The following PPP2R2B variants were observed in gnomAD, a reference collection of about 807,000 sequenced individuals.
The protein encoded by PPP2R2B is protein phosphatase 2 regulatory subunit Bbeta, also known as serine/threonine-protein phosphatase 2A 55 kDa regulatory subunit B beta isoform.
Under a neutral mutation model 46.0 loss-of-function variants are expected in PPP2R2B, and 5 were observed. The observed-to-expected ratio is 0.11, with a 90% CI of 0.06 to 0.23. The LOEUF is 0.23. Among genes scored for constraint, PPP2R2B ranks in the 10% least tolerant of loss-of-function variants. The pLI is 1.00. For synonymous variants in PPP2R2B, 215 were observed against 206.7 expected (o/e 1.04, Z -0.34); for missense variants, 367 against 575.0 (o/e 0.64, Z 3.70).
At chr5:146,749,685 G>T (rs904208506) in intron 2 of PPP2R2B, among the ~76,000 whole-genome samples, 2 of 136,416 alleles carry the variant, frequency 1.5e-5, no homozygotes, top group African/African-American at 2.8e-5. Context: ...TGCAAGCTCC[G>T]CCTCCCAGGT....
chr5:146,738,715 A>T lies in PPP2R2B; in HGVS notation c.71-37573T>A, dbSNP rs1752692898. Reference sequence around the variant, plus strand: ...CATGGGCAGAGAGCACCTTGGTCAGATGTCGTTAAAGTTCTAATTATAGAC... The same window carrying T: ...CATGGGCAGAGAGCACCTTGGTCAGTTGTCGTTAAAGTTCTAATTATAGAC... On this transcript the variant is annotated intron_variant, in intron 2 of 9. Transcript: ENST00000394411. Among the ~76,000 whole-genome samples, 3 of 152,156 alleles carry T rather than the reference A, an allele frequency of 2.0e-5. 1 individual carries two copies. In the South Asian group the frequency reaches 6.2e-4, roughly 32 times the overall value.
rs149939920 is a variant in PPP2R2B at position 147,010,823 on chromosome 5, T to C, written c.79+44842A>G. The stretch of plus-strand genomic sequence containing the variant: ...TCACACTTACTCCATATCCAGTTGG[T>C]TCACACATCTGGCCACTCCCAACCT... On this transcript the variant is annotated intron_variant, in intron 1 of 8. Transcript: ENST00000336640. 5.5e-3 allele frequency among the ~76,000 whole-genome samples: 831 copies of C among 152,114 alleles called. 6 individuals carry two copies. Among genetic ancestry groups the C allele is most frequent in the African/African-American group, 0.019 (788 of 41,490 alleles).
At chr5:146,658,406 G>T (rs780573413) in intron 5 of PPP2R2B, among the ~76,000 whole-genome samples, 21 of 152,096 alleles carry the variant, frequency 1.4e-4, no homozygotes, top group Non-Finnish European at 2.2e-4. Flanking sequence ...TAACAACTGG[G>T]ACCCAGACTT....
In PPP2R2B at chr5:146,586,959, G is replaced by C. The variant is rs1770195172; in HGVS notation, c.*2988C>G. On this transcript the variant is annotated 3_prime_UTR_variant, in exon 10 of 10. Transcript: ENST00000394411. ...CAGGAACTGAATGTTGCGCAAGGAT[G>C]GTTTTTGTAAAAGCCAGGGATGGCG... 1 of 152,152 alleles carries C rather than the reference G, an allele frequency of 6.6e-6. No homozygotes were observed. The allele number at this position is 152,152 out of a possible 1,614,324, so 9.4% of individuals were successfully genotyped here.
intron 1 of PPP2R2B, among the ~76,000 whole-genome samples, chr5:146,989,211 C>CA (rs2151860595): frequency 6.6e-6 from 1 of 151,894 alleles, no homozygotes; most frequent in South Asian, 2.1e-4. Context: ...TAAACTCTTC[C>CA]AAAAAGCTAA....
intron 1 of PPP2R2B, among the ~76,000 whole-genome samples, chr5:146,942,835 T>C (rs1415020723): frequency 2.0e-5 from 3 of 151,988 alleles, no homozygotes; most frequent in Non-Finnish European, 4.4e-5. Context: ...TCTCACTCTG[T>C]CACCCAGGCT....
At chr5:146,921,058 A>G (rs903531168) in intron 1 of PPP2R2B, among the ~76,000 whole-genome samples, 2 of 152,200 alleles carry the variant, frequency 1.3e-5, no homozygotes, top group African/African-American at 4.8e-5. Context: ...TTTGTTCTTC[A>G]GTAAAAGACT....
At chr5:146,631,521 C>T (rs1013071690) in intron 7 of PPP2R2B, among the ~76,000 whole-genome samples, 2 of 152,180 alleles carry the variant, frequency 1.3e-5, no homozygotes, top group African/African-American at 4.8e-5. Context: ...TTCAAGGTAT[C>T]ACTTTTACTA....
chr5:147,024,667 A>G (rs1480989117), intron 1 of PPP2R2B, among the ~76,000 whole-genome samples: 3 of 152,130 alleles, frequency 2.0e-5, no homozygotes, highest in African/African-American at 7.2e-5. Flanking sequence ...ACAAAAATAG[A>G]GCTGGAATGT....
intron 1 of PPP2R2B, among the ~76,000 whole-genome samples, chr5:147,010,787 C>T (rs1754689575): frequency 2.0e-5 from 3 of 152,086 alleles, no homozygotes; most frequent in South Asian, 2.1e-4. Context: ...ATCTAGACTC[C>T]TCTATGTGTC....
chr5:146,783,141 C>G (rs1300276066), intron 2 of PPP2R2B, among the ~76,000 whole-genome samples: 2 of 152,090 alleles, frequency 1.3e-5, no homozygotes, highest in Admixed American at 6.5e-5. Context: ...ATGTCATGGG[C>G]TTTATAAACT....
At position 146,808,699 on chromosome 5, in the gene PPP2R2B, G is replaced by A. The variant is rs183645941; in HGVS notation, c.70+69303C>T. Among the ~76,000 whole-genome samples, 539 of 114,232 alleles carry A rather than the reference G, an allele frequency of 4.7e-3. 8 individuals are homozygous for A. The highest frequency in any genetic ancestry group is 0.018 in the African/African-American group (509 of 28,430). 74.9% of individuals were successfully genotyped at this position (114,232 alleles called of 152,430 possible). On this transcript the variant is annotated intron_variant, in intron 2 of 9. Coordinates refer to ENST00000394411, the MANE Select transcript of PPP2R2B (RefSeq NM_181675.4). ...TGTGACAACTCCTCATTTCTATCAG[G>A]GGAAAGAAAGTCCAATCAGGCAAGT...
intron 1 of PPP2R2B, among the ~76,000 whole-genome samples, chr5:146,930,205 C>G (rs879817374): frequency 6.6e-6 from 1 of 152,100 alleles, no homozygotes; most frequent in Admixed American, 6.6e-5. Flanking sequence ...GTTGCTTATA[C>G]TGAGAGCTGG....
intron 1 of PPP2R2B, among the ~76,000 whole-genome samples, chr5:147,053,231 C>T (rs1364674914): frequency 6.9e-6 from 1 of 144,956 alleles, no homozygotes; most frequent in African/African-American, 2.5e-5. Context: ...AAAAAACACA[C>T]GCGCACACAA....
Position 146,878,733 on chromosome 5 carries a change from T to A in PPP2R2B, c.-267A>T, listed in dbSNP as rs1762057555. ...CCCACACGCGCGCACTCGCAGCTGC[T>A]GCTGCTGCTGCTGCTGCTGCTGCTG... On this transcript the variant is annotated 5_prime_UTR_variant, in exon 1 of 10. Transcript: ENST00000394411. The surrounding 1 kb of genome is among the most constrained non-coding windows in gnomAD (Gnocchi z 4.5). 2 of 1,286,792 alleles carry A rather than the reference T, an allele frequency of 1.6e-6. No individual in the cohort carries two copies. The highest frequency in any genetic ancestry group is 2.0e-6 in the Non-Finnish European group (2 of 977,160). The allele number at this position is 1,286,792 out of a possible 1,614,324, so 79.7% of individuals were successfully genotyped here. A position where few individuals can be genotyped will look rare whatever the true frequency, so the allele number is the denominator to read the frequency against.
chr5:147,055,308 G>A (rs531803191), intron 1 of PPP2R2B, among the ~76,000 whole-genome samples: 1 of 152,380 alleles, frequency 6.6e-6, no homozygotes, highest in East Asian at 1.9e-4. Context: ...AGCTCGGACA[G>A]ATGTATGTGG....
chr5:146,718,854 G>A (rs150383354), intron 2 of PPP2R2B, among the ~76,000 whole-genome samples: 167 of 152,298 alleles, frequency 1.1e-3, no homozygotes, highest in African/African-American at 3.8e-3. Flanking sequence ...ATTAGAGGCT[G>A]AGCCAGCTTC....
intron 2 of PPP2R2B, among the ~76,000 whole-genome samples, chr5:146,770,724 G>A (rs549053859): frequency 6.6e-5 from 10 of 152,274 alleles, no homozygotes; most frequent in South Asian, 2.1e-4. Context: ...AGGAGGTGTC[G>A]TCTGAGTTGG....
chr5:146,880,527 A>G (rs1256510499), upstream of PPP2R2B, among the ~76,000 whole-genome samples: 1 of 152,296 alleles, frequency 6.6e-6, no homozygotes, highest in East Asian at 1.9e-4. Context: ...TTCATCTCTT[A>G]GTGAATCAAA....
Sources: gnomAD v4.1 joint callset for allele counts (sites outside exome capture counted in the v4.1 genomes callset) on GRCh38, gnomAD v4.1.1 for gene constraint, Gnocchi (gnomAD v3.1) non-coding constraint, MANE v1.5 for transcripts, NCBI Gene and HGNC (gene_info 2026-07-23, HGNC 2026-07-21) for gene names.